The following LRMDA variants were observed in gnomAD, a reference collection of about 807,000 sequenced individuals.
The protein encoded by LRMDA is leucine-rich melanocyte differentiation-associated protein.
In LRMDA, 18 loss-of-function variants were observed where a neutral mutation model predicts 29.8. That is an observed-to-expected ratio of 0.60 (90% CI 0.42 to 0.90). LRMDA has a LOEUF of 0.90. Ranked by LOEUF, LRMDA falls within the 40% of genes least tolerant of loss-of-function variation. LRMDA has a pLI of 0.00. For synonymous variants in LRMDA, 125 were observed against 109.4 expected (o/e 1.14, Z -0.89); for missense variants, 273 against 273.9 (o/e 1.00, Z 0.02).
In LRMDA at chr10:76,452,683, TTTAA is replaced by T. The variant is rs1233884072; in HGVS notation, c.602-104521_602-104518del. On this transcript the variant is annotated intron_variant, in intron 6 of 6. Transcript: ENST00000611255. ...TTTATGTTGGGGTAAGGAGTTTGGA[TTTAA>T]TTAAAGTGTTATTGGAAGGCCCTGG... is the stretch of plus-strand genomic sequence containing the variant. 4.6e-5 allele frequency among the ~76,000 whole-genome samples: 7 copies of T among 152,276 alleles called. No homozygotes were observed. In the South Asian group the frequency reaches 1.2e-3, roughly 27 times the overall value.
intron 2 of LRMDA, among the ~76,000 whole-genome samples, chr10:75,913,412 C>A (rs541438974): frequency 1.3e-5 from 2 of 151,744 alleles, no homozygotes; most frequent in African/African-American, 2.4e-5. Flanking sequence ...GCCAAGATCG[C>A]GCCACTGCAC....
intron 5 of LRMDA, among the ~76,000 whole-genome samples, chr10:76,069,994 A>G (rs895389606): frequency 6.6e-6 from 1 of 152,086 alleles, no homozygotes; most frequent in African/African-American, 2.4e-5. Flanking sequence ...GTTTCAGGGT[A>G]ATGTTTAGGT....
intron 2 of LRMDA, among the ~76,000 whole-genome samples, chr10:75,462,725 G>T (rs1844601930): frequency 6.6e-6 from 1 of 152,144 alleles, no homozygotes; most frequent in African/African-American, 2.4e-5. Flanking sequence ...AGCTTTATAA[G>T]GTGGGGAGAA....
chr10:75,909,399 C>T (rs1845809154), intron 2 of LRMDA, among the ~76,000 whole-genome samples: 1 of 152,204 alleles, frequency 6.6e-6, no homozygotes, highest in African/African-American at 2.4e-5. Context: ...GAACCTCTCT[C>T]TGCATCCTCT....
chr10:76,136,819 T>C (rs1258909079), intron 5 of LRMDA, among the ~76,000 whole-genome samples: 5 of 152,182 alleles, frequency 3.3e-5, no homozygotes, highest in Non-Finnish European at 5.9e-5. Flanking sequence ...GACCATATAA[T>C]ATACCAGGCT....
intron 2 of LRMDA, among the ~76,000 whole-genome samples, chr10:76,020,679 T>C (rs971091448): frequency 6.6e-6 from 1 of 152,154 alleles, no homozygotes; most frequent in African/African-American, 2.4e-5. Context: ...CTCCTCCAGG[T>C]TCCCCTGGCA....
At chr10:75,900,880 T>A (rs538211502) in intron 2 of LRMDA, among the ~76,000 whole-genome samples, 6 of 152,314 alleles carry the variant, frequency 3.9e-5, no homozygotes, top group Non-Finnish European at 7.4e-5. Context: ...CTTGAGTATA[T>A]CCTGTCTACG....
intron 2 of LRMDA, among the ~76,000 whole-genome samples, chr10:75,992,270 AG>A (rs1360710312): frequency 1.1e-4 from 16 of 152,184 alleles, no homozygotes; most frequent in Admixed American, 6.5e-5. Context: ...CCATCCCTAG[AG>A]GTAGCATAGA....
At chr10:76,056,773 G>A (rs977222961) in intron 4 of LRMDA, among the ~76,000 whole-genome samples, 7 of 152,148 alleles carry the variant, frequency 4.6e-5, no homozygotes, top group African/African-American at 1.4e-4. Flanking sequence ...AGTGGAGGGG[G>A]GCTTCCCAAG....
chr10:76,509,615 G>A (rs1389841565), intron 6 of LRMDA, among the ~76,000 whole-genome samples: 1 of 152,200 alleles, frequency 6.6e-6, no homozygotes, highest in African/African-American at 2.4e-5. Context: ...GGGGAAATGA[G>A]AATCAGTTTG....
intron 2 of LRMDA, among the ~76,000 whole-genome samples, chr10:75,658,249 A>G (rs1044505890): frequency 1.4e-5 from 2 of 148,002 alleles, no homozygotes; most frequent in Non-Finnish European, 3.0e-5. Context: ...TGTGAATGAG[A>G]TCCTTGTTGG....
chr10:76,463,415 A>C (rs1028578346), intron 6 of LRMDA, among the ~76,000 whole-genome samples: 21 of 152,226 alleles, frequency 1.4e-4, no homozygotes, highest in Non-Finnish European at 2.9e-4. Context: ...TGCTTTGGTT[A>C]CCACTAGGAT....
intron 5 of LRMDA, among the ~76,000 whole-genome samples, chr10:76,253,183 T>C (rs1239358820): frequency 6.6e-6 from 1 of 152,196 alleles, no homozygotes; most frequent in African/African-American, 2.4e-5. Flanking sequence ...TTTTGCATAT[T>C]ATGGGTCTTT....
chr10:75,753,742 T>G (rs754230312), intron 2 of LRMDA, among the ~76,000 whole-genome samples: 14 of 152,180 alleles, frequency 9.2e-5, no homozygotes, highest in Non-Finnish European at 1.3e-4. Flanking sequence ...GAATCTGATT[T>G]GTGTTTTTCA....
At chr10:76,202,845 T>C (rs1190900092) in intron 5 of LRMDA, among the ~76,000 whole-genome samples, 1 of 152,032 alleles carries the variant, frequency 6.6e-6, no homozygotes, top group Non-Finnish European at 1.5e-5. Context: ...TGTGACTTCT[T>C]TGGATGCAAA....
intron 6 of LRMDA, among the ~76,000 whole-genome samples, chr10:76,349,095 A>G (rs1040026482): frequency 1.3e-5 from 2 of 152,210 alleles, no homozygotes; most frequent in African/African-American, 4.8e-5. Flanking sequence ...AGGTGAAGCC[A>G]TTGTGAGGAT....
chr10:75,760,577 A>G (rs1843083306), intron 2 of LRMDA, among the ~76,000 whole-genome samples: 1 of 152,200 alleles, frequency 6.6e-6, no homozygotes, highest in Admixed American at 6.5e-5. Flanking sequence ...AGGGCCTTCC[A>G]TCACCACCAC....
intron 6 of LRMDA, among the ~76,000 whole-genome samples, chr10:76,463,674 C>G (rs1317864814): frequency 6.6e-6 from 1 of 152,152 alleles, no homozygotes; most frequent in Non-Finnish European, 1.5e-5. Context: ...TTTAAAGAAA[C>G]AGAACTGAGG....
intron 2 of LRMDA, among the ~76,000 whole-genome samples, chr10:75,729,035 G>GAAAGCTAA (rs1842664374): frequency 6.6e-6 from 1 of 152,140 alleles, no homozygotes; most frequent in Non-Finnish European, 1.5e-5. Context: ...CCTTCTCTGG[G>GAAAGCTAA]AAGGCTTTCC....
Sources: gnomAD v4.1 joint callset for allele counts (sites outside exome capture counted in the v4.1 genomes callset) on GRCh38, gnomAD v4.1.1 for gene constraint, MANE v1.5 for transcripts, NCBI Gene and HGNC (gene_info 2026-07-23, HGNC 2026-07-21) for gene names.